The following KCNQ1 variants were observed in gnomAD, a reference collection of about 807,000 sequenced individuals.
KCNQ1 encodes potassium voltage-gated channel subfamily Q member 1, also known as potassium voltage-gated channel subfamily KQT member 1.
Under a neutral mutation model 72.4 loss-of-function variants are expected in KCNQ1, and 49 were observed. That is an observed-to-expected ratio of 0.68 (90% CI 0.54 to 0.86). The LOEUF is 0.86. Among genes scored for constraint, KCNQ1 ranks in the 40% least tolerant of loss-of-function variants. The pLI is 0.00. For synonymous variants in KCNQ1, 450 were observed against 412.6 expected, an observed-to-expected ratio of 1.09 and a Z score of -1.10; for missense variants, 790 against 945.1, an observed-to-expected ratio of 0.84 and a Z score of 2.15.
rs559555389 is a variant in KCNQ1, at chr11:2,531,282, G to A, written c.477+3264G>A. Among the ~76,000 whole-genome samples, 40 of 151,926 alleles carry A rather than the reference G, an allele frequency of 2.6e-4. 1 individual carries two copies. Among genetic ancestry groups the A allele is most frequent in the African/African-American group, 6.8e-4 (28 of 41,358 alleles). On this transcript the variant is annotated intron_variant, in intron 2 of 15. Coordinates refer to ENST00000155840, the MANE Select transcript of KCNQ1 (RefSeq NM_000218.3). The stretch of plus-strand genomic sequence containing the variant: ...GACGTGCCCTGGGCTCCACATGCCC[G>A]TCTGCAGCTCGAGAATTAGACGTGC...
chr11:2,823,999 C>G (rs753998449), intron 15 of KCNQ1, among the ~76,000 whole-genome samples: 14 of 152,162 alleles, frequency 9.2e-5, no homozygotes, highest in Non-Finnish European at 1.6e-4. Context: ...ATGGGCTTCC[C>G]GGGAGTGGAG....
In KCNQ1 at chr11:2,668,155, C is replaced by G. The variant is rs1457191338; in HGVS notation, c.1514+6074C>G. 3 of 398,486 alleles carry G rather than the reference C, an allele frequency of 7.5e-6. No individual in the cohort carries two copies. Among genetic ancestry groups the G allele is most frequent in the Non-Finnish European group, 1.3e-5 (3 of 226,074 alleles). The allele number at this position is 398,486 out of a possible 1,614,324, so 24.7% of individuals were successfully genotyped here. On this transcript the variant is annotated intron_variant, in intron 11 of 15. Coordinates refer to ENST00000155840, the MANE Select transcript of KCNQ1 (RefSeq NM_000218.3). The surrounding 1 kb of genome is among the most constrained non-coding windows in gnomAD (Gnocchi z 4.3). The stretch of plus-strand genomic sequence containing the variant: ...TCTATGGGGCTGAAGGGAGAGTGCT[C>G]CCTCATGCTCCTTGCTGACTGGTGC...
intron 11 of KCNQ1, among the ~76,000 whole-genome samples, chr11:2,756,951 TA>T (rs58284663): frequency 0.13 from 6,357 of 49,766 alleles, 218 homozygotes; most frequent in Non-Finnish European, 0.16. Context: ...AAGAGCATCT[TA>T]AAAAAAAAAA....
intron 10 of KCNQ1, chr11:2,634,136 T>TTTC (rs1849411226): frequency 1.4e-5 from 3 of 209,366 alleles, no homozygotes; most frequent in Non-Finnish European, 2.2e-5. Context: ...GTCTTTGGTA[T>TTTC]TTTTTTTTTT....
intron 10 of KCNQ1, chr11:2,609,211 G>A: frequency 2.5e-6 from 1 of 398,148 alleles, no homozygotes; most frequent in African/African-American, 2.1e-5. Context: ...CATAAGTTCT[G>A]TTATGTTGTA....
rs1381739138 is a variant in KCNQ1 at position 2,847,455 on chromosome 11, C to A, written c.1795-312C>A. Among the ~76,000 whole-genome samples, 18 of 152,212 alleles carry A rather than the reference C, an allele frequency of 1.2e-4. 1 individual carries two copies. Among genetic ancestry groups the A allele is most frequent in the Non-Finnish European group, 2.5e-4 (17 of 68,032 alleles). Reference sequence around the variant, plus strand: ...GGATGTGGCACAGAAGGCCGGCCAGCCTGGGGAGCAGAGAAGGAGGAGAGG... The same window carrying A: ...GGATGTGGCACAGAAGGCCGGCCAGACTGGGGAGCAGAGAAGGAGGAGAGG... On this transcript the variant is annotated intron_variant, in intron 15 of 15. Coordinates refer to ENST00000155840, the MANE Select transcript of KCNQ1 (RefSeq NM_000218.3).
chr11:2,553,955 G>C (rs1398911642), intron 2 of KCNQ1, among the ~76,000 whole-genome samples: 1 of 152,218 alleles, frequency 6.6e-6, no homozygotes. Context: ...GACCTCAGGT[G>C]ATCTGCCCGC....
In KCNQ1 at chr11:2,659,140, C is replaced by G. The variant is rs891666371; in HGVS notation, c.1394-2821C>G. ...TTAAATTTGCATACAGTAAAATCCA[C>G]TCTTTGAGATTCAGTTCTGTGGGTT... On this transcript the variant is annotated intron_variant, in intron 10 of 15. Transcript: ENST00000155840. This position sits in a 1 kb window ranked among gnomAD's most constrained non-coding sequence, Gnocchi z 4.3. 7.5e-6 allele frequency: 3 copies of G among 398,480 alleles called. No homozygotes were observed. Among genetic ancestry groups the G allele is most frequent in the Non-Finnish European group, 1.3e-5 (3 of 226,056 alleles). The allele number at this position is 398,480 out of a possible 1,614,324, so 24.7% of individuals were successfully genotyped here. A position where few individuals can be genotyped will look rare whatever the true frequency, so the allele number is the denominator to read the frequency against.
At chr11:2,489,743 C>G (rs1021292389) in intron 1 of KCNQ1, among the ~76,000 whole-genome samples, 11 of 152,208 alleles carry the variant, frequency 7.2e-5, no homozygotes, top group Admixed American at 2.6e-4. Context: ...CAGGCCCTGG[C>G]TCTTGGACAT....
rs1042730954 is a variant in KCNQ1, at chr11:2,592,961, C to T, written c.1393+4107C>T. ...TGCCTGGAACTGTCTTTCCTGGATC[C>T]CAGGAGTCCTGAAGGAGCCGCCTCC... is the stretch of plus-strand genomic sequence containing the variant. On this transcript the variant is annotated intron_variant, in intron 10 of 15. Coordinates refer to ENST00000155840, the MANE Select transcript of KCNQ1 (RefSeq NM_000218.3). The surrounding 1 kb of genome is among the most constrained non-coding windows in gnomAD (Gnocchi z 5.2). Among the ~76,000 whole-genome samples, 1 of 152,150 alleles carries T rather than the reference C, an allele frequency of 6.6e-6. No individual in the cohort carries two copies. Among genetic ancestry groups the T allele is most frequent in the Non-Finnish European group, 1.5e-5 (1 of 68,022 alleles).
Position 2,687,158 on chromosome 11 carries a change from C to T in KCNQ1, c.1514+25077C>T, listed in dbSNP as rs960248508. On this transcript the variant is annotated intron_variant, in intron 11 of 15. Coordinates refer to ENST00000155840, the MANE Select transcript of KCNQ1 (RefSeq NM_000218.3). This position sits in a 1 kb window ranked among gnomAD's most constrained non-coding sequence, Gnocchi z 5.0. ...GAGGAATCTGAGCCAGCTTCCTCCA[C>T]AAAGCACAGAAGTCTGCCAAAAGCC... 6 of 398,532 alleles carry T rather than the reference C, an allele frequency of 1.5e-5. No homozygotes were observed. Among genetic ancestry groups the T allele is most frequent in the Non-Finnish European group, 2.2e-5 (5 of 226,094 alleles). The allele number at this position is 398,532 out of a possible 1,614,324, so 24.7% of individuals were successfully genotyped here. A position where few individuals can be genotyped will look rare whatever the true frequency, so the allele number is the denominator to read the frequency against.
rs1032522111 is a variant in KCNQ1 at position 2,508,803 on chromosome 11, C to G, written c.387-19125C>G. On this transcript the variant is annotated intron_variant, in intron 1 of 15. Coordinates refer to ENST00000155840, the MANE Select transcript of KCNQ1 (RefSeq NM_000218.3). The surrounding 1 kb of genome is among the most constrained non-coding windows in gnomAD (Gnocchi z 6.2). ...GAAGAAAGCCATCAATTCCCCTGCT[C>G]TCATACAGGCTTGAGGAGGGCTAAG... Among the ~76,000 whole-genome samples, 2 of 152,240 alleles carry G rather than the reference C, an allele frequency of 1.3e-5. No individual in the cohort carries two copies. The highest frequency in any genetic ancestry group is 3.9e-4 in the East Asian group (2 of 5,194).
intron 2 of KCNQ1, among the ~76,000 whole-genome samples, chr11:2,556,051 C>T (rs1026989018): frequency 3.9e-5 from 6 of 152,200 alleles, no homozygotes; most frequent in East Asian, 3.8e-4. Context: ...CAGGTATCAG[C>T]GAGGTGGGTT....
In KCNQ1 at chr11:2,753,148, G is replaced by A. The variant is rs112306690; in HGVS notation, c.1515-15696G>A. On this transcript the variant is annotated intron_variant, in intron 11 of 15. Transcript: ENST00000155840. ...TTGCATTTGGGCCAGGTTGCGAGGA[G>A]CCTGGCAGGCCACCCGGCCAGTGTG... 1.7e-3 allele frequency among the ~76,000 whole-genome samples: 261 copies of A among 152,334 alleles called. 2 individuals carry two copies. The highest frequency in any genetic ancestry group is 5.9e-3 in the African/African-American group (245 of 41,560).
intron 15 of KCNQ1, among the ~76,000 whole-genome samples, chr11:2,844,681 G>A (rs563487366): frequency 4.6e-5 from 7 of 152,302 alleles, no homozygotes; most frequent in Middle Eastern, 3.4e-3. Flanking sequence ...GCCTGCCTGC[G>A]GCCCTGACAC....
intron 15 of KCNQ1, among the ~76,000 whole-genome samples, chr11:2,800,501 C>G (rs1042016491): frequency 3.3e-5 from 5 of 152,232 alleles, no homozygotes; most frequent in African/African-American, 9.6e-5. Context: ...TGCAGCCCTC[C>G]CCACTTTGCC....
In KCNQ1 at chr11:2,695,507, C is replaced by T; in HGVS notation, c.1514+33426C>T. The T allele has an allele frequency of 2.5e-6, 1 of 398,652 alleles. No homozygotes were observed. The highest frequency in any genetic ancestry group is 4.4e-6 in the Non-Finnish European group (1 of 226,120). 24.7% of individuals were successfully genotyped at this position (398,652 alleles called of 1,614,324 possible). A position where few individuals can be genotyped will look rare whatever the true frequency, so the allele number is the denominator to read the frequency against. ...TGAAGTGTACATCTAGTCCCCTGCT[C>T]CTAACCACAGTGACCAGCTCCAACT... On this transcript the variant is annotated intron_variant, in intron 11 of 15. Transcript: ENST00000155840. This position sits in a 1 kb window ranked among gnomAD's most constrained non-coding sequence, Gnocchi z 5.2.
chr11:2,580,583 G>C (rs903613485), intron 6 of KCNQ1, among the ~76,000 whole-genome samples: 1 of 152,200 alleles, frequency 6.6e-6, no homozygotes, highest in Non-Finnish European at 1.5e-5. Context: ...TTACGCTTGG[G>C]TGGGAGCAGG....
rs993905604 is a variant in KCNQ1 at position 2,654,641 on chromosome 11, G to C, written c.1394-7320G>C. 2.5e-6 allele frequency: 1 copy of C among 398,724 alleles called. No homozygotes were observed. Among genetic ancestry groups the C allele is most frequent in the Admixed American group, 4.4e-5 (1 of 22,720 alleles). 24.7% of individuals were successfully genotyped at this position (398,724 alleles called of 1,614,324 possible). ...AGGAAGGGCCCAGACACTGGCGAGA[G>C]TCTCTTGAGGGCAGAGGGCAGCAGA... is the stretch of plus-strand genomic sequence containing the variant. On this transcript the variant is annotated intron_variant, in intron 10 of 15. Coordinates refer to ENST00000155840, the MANE Select transcript of KCNQ1 (RefSeq NM_000218.3). The surrounding 1 kb of genome is among the most constrained non-coding windows in gnomAD (Gnocchi z 6.4).
Sources: allele counts gnomAD v4.1 joint callset (sites outside exome capture counted in the v4.1 genomes callset), GRCh38; gene constraint gnomAD v4.1.1; non-coding constraint Gnocchi (gnomAD v3.1); transcripts MANE v1.5; gene names NCBI Gene and HGNC (gene_info 2026-07-23, HGNC 2026-07-21).